TANC1: variants seen among roughly 807,000 people sequenced by gnomAD.
TANC1 encodes protein TANC1.
In TANC1, 77 loss-of-function variants were observed where a neutral mutation model predicts 149.7. The ratio of observed to expected loss-of-function variants is 0.51; its 90% CI spans 0.43 to 0.62. The LOEUF (loss-of-function observed/expected upper bound fraction) is 0.62. TANC1 is among the 20% of genes least tolerant of loss of function. TANC1 has a pLI of 0.00. For synonymous variants in TANC1, 854 were observed against 925.0 expected, an observed-to-expected ratio of 0.92 and a Z score of 1.39; for missense variants, 1,985 against 2,321.8, an observed-to-expected ratio of 0.85 and a Z score of 2.98.
intron 2 of TANC1, among the ~76,000 whole-genome samples, chr2:159,023,771 A>T (rs553403148): frequency 2.5e-4 from 38 of 152,262 alleles, no homozygotes; most frequent in African/African-American, 8.9e-4. Context: ...GTTTGAGACC[A>T]GCCTGACCAA....
Position 158,981,517 on chromosome 2 carries a change from ATATATATAT to A in TANC1, c.-126+12736_-126+12744del, listed in dbSNP as rs1381687644. On this transcript the variant is annotated intron_variant, in intron 1 of 26. Transcript: ENST00000263635. ...TATATATATATATATATATATATAT[ATATATATAT>A]ATATATATATATATATAAAGAAGTA... Among the ~76,000 whole-genome samples the A allele has an allele frequency of 9.2e-5, 11 of 119,788 alleles. 2 individuals are homozygous for A. The highest frequency in any genetic ancestry group is 6.7e-4 in the Admixed American group (8 of 11,998). The allele number at this position is 119,788 out of a possible 152,430, so 78.6% of individuals were successfully genotyped here. A position where few individuals can be genotyped will look rare whatever the true frequency, so the allele number is the denominator to read the frequency against.
intron 5 of TANC1, among the ~76,000 whole-genome samples, chr2:159,145,436 G>C (rs960901547): frequency 2.6e-5 from 4 of 152,206 alleles, no homozygotes; most frequent in African/African-American, 9.7e-5. Flanking sequence ...CAACCTGTAG[G>C]AGGTGGGTAT....
At position 159,193,125 on chromosome 2, in the gene TANC1, A is replaced by G. The variant is rs566966801; in HGVS notation, c.2743-1132A>G. Among the ~76,000 whole-genome samples, 3 of 152,038 alleles carry G rather than the reference A, an allele frequency of 2.0e-5. No individual in the cohort carries two copies. The South Asian group carries it at 6.3e-4, about 32-fold the overall frequency. On this transcript the variant is annotated intron_variant, in intron 16 of 26. Transcript: ENST00000263635. ...AAAACTCTATATCCCTTAAGCAACA[A>G]CTCTCATTTCCCCTGTGCCCAGGCC... is the stretch of plus-strand genomic sequence containing the variant.
intron 4 of TANC1, among the ~76,000 whole-genome samples, chr2:159,110,714 A>G (rs926871056): frequency 3.3e-5 from 5 of 149,890 alleles, no homozygotes; most frequent in Admixed American, 3.3e-4. Context: ...GGTGGTTGCA[A>G]TTTCCATGTC....
chr2:159,088,272 A>T (rs1217420856), intron 3 of TANC1, among the ~76,000 whole-genome samples: 1 of 152,090 alleles, frequency 6.6e-6, no homozygotes, highest in East Asian at 1.9e-4. Flanking sequence ...GAAACCTGTG[A>T]TAATTTTTCT....
At chr2:159,118,532 C>T (rs576765758) in intron 4 of TANC1, among the ~76,000 whole-genome samples, 38 of 152,240 alleles carry the variant, frequency 2.5e-4, no homozygotes, top group African/African-American at 8.9e-4. Context: ...CTAAGGGAGG[C>T]TGAGATAAGT....
chr2:158,977,420 C>G (rs2033819512), intron 1 of TANC1, among the ~76,000 whole-genome samples: 1 of 151,998 alleles, frequency 6.6e-6, no homozygotes, highest in Non-Finnish European at 1.5e-5. Context: ...GAGTGATTGT[C>G]CTGCCTCAGC....
In TANC1 at chr2:159,105,502, A is replaced by G. The variant is rs150359671; in HGVS notation, c.259+7668A>G. ...ATACTTTTGTCCAGTGATATTTACA[A>G]ACATCTCTGATATCTCCTTGGGGTA... On this transcript the variant is annotated intron_variant, in intron 4 of 26. Transcript: ENST00000263635. 2.7e-3 allele frequency among the ~76,000 whole-genome samples: 418 copies of G among 152,266 alleles called. 3 individuals are homozygous for G. The highest frequency in any genetic ancestry group is 9.8e-3 in the African/African-American group (409 of 41,552).
chr2:158,981,008 C>G (rs531655047), intron 1 of TANC1, among the ~76,000 whole-genome samples: 3 of 152,128 alleles, frequency 2.0e-5, no homozygotes, highest in African/African-American at 7.2e-5. Flanking sequence ...TTACCTTGTC[C>G]CATTGTTTCC....
intron 2 of TANC1, among the ~76,000 whole-genome samples, chr2:159,060,853 A>T (rs2042185237): frequency 6.6e-6 from 1 of 152,090 alleles, no homozygotes; most frequent in South Asian, 2.1e-4. Flanking sequence ...ACTGAAATAG[A>T]TTTTGTCTTG....
In TANC1 at chr2:159,007,151, T is replaced by G. The variant is rs888148974; in HGVS notation, c.-16+5962T>G. ...ATCTTTAATACTGTTTTTTTTTTTT[T>G]TTTTTTTTTTTTGAGACAGAGTTTT... On this transcript the variant is annotated intron_variant, in intron 2 of 26. Transcript: ENST00000263635. Among the ~76,000 whole-genome samples the G allele has an allele frequency of 8.3e-4, 122 of 146,126 alleles. 2 individuals are homozygous for G. The highest frequency in any genetic ancestry group is 2.9e-3 in the African/African-American group (116 of 39,450).
chr2:159,202,449 CTTA>C (rs2058314199), intron 19 of TANC1, among the ~76,000 whole-genome samples: 4 of 152,142 alleles, frequency 2.6e-5, no homozygotes, highest in African/African-American at 9.7e-5. Context: ...GAGCAGAGGG[CTTA>C]ACTTGTTTAA....
In TANC1 at chr2:159,048,252, T is replaced by TG. The variant is rs111923396; in HGVS notation, c.-15-17638dup. On this transcript the variant is annotated intron_variant, in intron 2 of 26. Transcript: ENST00000263635. ...AGATATCTGGCAAGTAGATTGGCTT[T>TG]GGGGGGCAGTAACTGGTCTTGTTCG... Among the ~76,000 whole-genome samples, 352 of 152,304 alleles carry TG rather than the reference T, an allele frequency of 2.3e-3. 3 individuals are homozygous for TG. Among genetic ancestry groups the TG allele is most frequent in the African/African-American group, 7.8e-3 (325 of 41,562 alleles).
At chr2:159,225,833 T>A in intron 24 of TANC1, 54 bp downstream of exon 24, 1 of 1,294,622 alleles carries the variant, frequency 7.7e-7, no homozygotes, top group Non-Finnish European at 1.1e-6. Flanking sequence ...AGCACCCTCT[T>A]AATTGGGTAC....
rs1488750839 is a variant in TANC1, at chr2:159,175,145, A to G, written c.1696A>G (p.Lys566Glu). The G allele has an allele frequency of 6.2e-7, 1 of 1,614,116 alleles. No homozygotes were observed. Among genetic ancestry groups the G allele is most frequent in the Non-Finnish European group, 8.5e-7 (1 of 1,180,012 alleles). ...SCVQDPVAAF[K>E]RGVLEPLTNL... ...TGTGCAGGACCCGGTGGCAGCTTTC[A>G]AGAGGGGAGTGCTGGAGCCACTCAC... The change falls in exon 12 of 27, where the codon AAG (lysine) becomes GAG (glutamate). Residue 566 changes from lysine to glutamate, a missense_variant. Physicochemically the swap from Lys to Glu is moderately conservative, Grantham distance 56. This residue lies in a region of TANC1 where 508 missense variants were observed against 714.2 expected (regional missense o/e 0.71). Transcript: ENST00000263635.
intron 22 of TANC1, among the ~76,000 whole-genome samples, chr2:159,223,921 G>A (rs1241952134): frequency 6.6e-6 from 1 of 152,208 alleles, no homozygotes; most frequent in African/African-American, 2.4e-5. Context: ...AGGTGACTAT[G>A]TCCCGTCTCT....
rs1553599447 is a variant in TANC1 at position 159,171,871 on chromosome 2, A to AGAAAG, written c.1352-250_1352-249insGAAAG. Among the ~76,000 whole-genome samples the AGAAAG allele has an allele frequency of 2.1e-4, 22 of 105,604 alleles. 1 individual carries two copies. Among genetic ancestry groups the AGAAAG allele is most frequent in the East Asian group, 9.2e-4 (4 of 4,334 alleles). 69.3% of individuals were successfully genotyped at this position (105,604 alleles called of 152,430 possible). A position where few individuals can be genotyped will look rare whatever the true frequency, so the allele number is the denominator to read the frequency against. On this transcript the variant is annotated intron_variant, in intron 10 of 26. Transcript: ENST00000263635. ...GACTCCGCCTTAAAAAAAAAAAAAA[A>AGAAAG]AAAAGAAAAAGAAAAAAAAAATTTA...
At chr2:159,157,146 G>T (rs750606219) in intron 7 of TANC1, among the ~76,000 whole-genome samples, 4 of 152,236 alleles carry the variant, frequency 2.6e-5, no homozygotes, top group Non-Finnish European at 5.9e-5. Context: ...AGAAGGAGAA[G>T]CCAGAAGTCT....
At chr2:159,023,381 C>T (rs1017039836) in intron 2 of TANC1, among the ~76,000 whole-genome samples, 5 of 151,404 alleles carry the variant, frequency 3.3e-5, no homozygotes, top group African/African-American at 1.2e-4. Flanking sequence ...CTCGCTCTGT[C>T]ACCCAGGCTG....
Sources: gnomAD v4.1 joint callset for allele counts (sites outside exome capture counted in the v4.1 genomes callset) on GRCh38, gnomAD v4.1.1 for gene constraint, gnomAD v4.1.1 regional missense constraint, MANE v1.5 for transcripts, NCBI Gene and HGNC (gene_info 2026-07-23, HGNC 2026-07-21) for gene names.